EIF4EBP2: variants seen among roughly 807,000 people sequenced by gnomAD.
EIF4EBP2 encodes the protein eukaryotic translation initiation factor 4E binding protein 2.
A neutral mutation model predicts 10.3 loss-of-function variants in EIF4EBP2; 5 were observed. The observed-to-expected ratio is 0.48, with a 90% confidence interval of 0.25 to 1.02. The LOEUF (loss-of-function observed/expected upper bound fraction) is 1.02. EIF4EBP2 is among the 50% of genes least tolerant of loss of function. The pLI is 0.15. For synonymous variants in EIF4EBP2, 67 were observed against 61.1 expected (o/e 1.10, Z -0.45); for missense variants, 188 against 162.2 (o/e 1.16, Z -0.86).
intron 1 of EIF4EBP2, among the ~76,000 whole-genome samples, chr10:70,414,492 A>G (rs1845073151): frequency 6.6e-6 from 1 of 152,300 alleles, no homozygotes; most frequent in East Asian, 1.9e-4. Context: ...AAAATCAAAC[A>G]TATCTTAGGA....
At position 70,418,054 on chromosome 10, in the gene EIF4EBP2, C is replaced by G. The variant is rs374217605; in HGVS notation, c.146-1860C>G. ...CTCCCCAAAATTCTTATGTTGAAAC[C>G]TTAATTCCCAACATGATAGTATTAG... On this transcript the variant is annotated intron_variant, in intron 1 of 2. Coordinates refer to ENST00000373218, the MANE Select transcript of EIF4EBP2 (RefSeq NM_004096.5). Among the ~76,000 whole-genome samples, 5 of 152,264 alleles carry G rather than the reference C, an allele frequency of 3.3e-5. No homozygotes were observed. In the South Asian group the frequency reaches 1.0e-3, roughly 32 times the overall value.
At chr10:70,417,177 G>A (rs7921439) in intron 1 of EIF4EBP2, among the ~76,000 whole-genome samples, 148,100 of 152,344 alleles carry the variant, frequency 0.97, 72,138 homozygotes, top group East Asian at 1. Flanking sequence ...AAAGAAATGA[G>A]GTACTGATAA....
intron 1 of EIF4EBP2, among the ~76,000 whole-genome samples, chr10:70,416,759 G>C (rs960780451): frequency 8.6e-5 from 13 of 151,302 alleles, no homozygotes; most frequent in African/African-American, 3.2e-4. Context: ...CCATCTCCTG[G>C]GCTTAAGTGA....
chr10:70,406,118 C>T (rs1261136600), intron 1 of EIF4EBP2, among the ~76,000 whole-genome samples: 1 of 152,044 alleles, frequency 6.6e-6, no homozygotes, highest in South Asian at 2.1e-4. Context: ...AGTAGCTGGA[C>T]CACAGGCACG....
At chr10:70,420,313 C>A (rs1270334470) in intron 2 of EIF4EBP2, among the ~76,000 whole-genome samples, 2 of 152,190 alleles carry the variant, frequency 1.3e-5, no homozygotes, top group African/African-American at 4.8e-5. Context: ...GTTTCTCCTG[C>A]CTCAGCCTCC....
chr10:70,418,206 G>A (rs1008164961), intron 1 of EIF4EBP2, among the ~76,000 whole-genome samples: 1 of 152,166 alleles, frequency 6.6e-6, no homozygotes, highest in Non-Finnish European at 1.5e-5. Context: ...CCATGTAAGG[G>A]ACACAAAGAG....
At chr10:70,412,197 C>T (rs1845052953) in intron 1 of EIF4EBP2, among the ~76,000 whole-genome samples, 1 of 152,114 alleles carries the variant, frequency 6.6e-6, no homozygotes, top group African/African-American at 2.4e-5. Context: ...AGGAGGAAAG[C>T]CCTGTTTGAC....
intron 2 of EIF4EBP2, among the ~76,000 whole-genome samples, chr10:70,420,314 C>T (rs1294896850): frequency 6.6e-6 from 1 of 152,200 alleles, no homozygotes; most frequent in Non-Finnish European, 1.5e-5. Flanking sequence ...TTTCTCCTGC[C>T]TCAGCCTCCC....
Position 70,422,511 on chromosome 10 carries a change from C to T in EIF4EBP2, c.*764C>T, listed in dbSNP as rs933988159. ...ACATCAGAAGAGAGCCCTTGGTAAC[C>T]AGTTTTGCTCTTCTTCTGCCACTCC... is the stretch of plus-strand genomic sequence containing the variant. On this transcript the variant is annotated 3_prime_UTR_variant, in exon 3 of 3. Coordinates refer to ENST00000373218, the MANE Select transcript of EIF4EBP2 (RefSeq NM_004096.5). The T allele has an allele frequency of 6.6e-6, 1 of 152,048 alleles. No homozygotes were observed. Among genetic ancestry groups the T allele is most frequent in the Non-Finnish European group, 1.5e-5 (1 of 68,028 alleles). The allele number at this position is 152,048 out of a possible 1,614,324, so 9.4% of individuals were successfully genotyped here.
intron 1 of EIF4EBP2, among the ~76,000 whole-genome samples, chr10:70,417,140 A>G (rs1217646716): frequency 6.6e-6 from 1 of 152,230 alleles, no homozygotes; most frequent in Non-Finnish European, 1.5e-5. Context: ...TGCGATATAT[A>G]CATACAATGA....
intron 1 of EIF4EBP2, among the ~76,000 whole-genome samples, chr10:70,418,559 T>G (rs1286146261): frequency 6.6e-6 from 1 of 152,170 alleles, no homozygotes; most frequent in Non-Finnish European, 1.5e-5. Flanking sequence ...ATAAACAATT[T>G]TCATAATACT....
At chr10:70,411,932 T>C (rs773303827) in intron 1 of EIF4EBP2, among the ~76,000 whole-genome samples, 1 of 152,242 alleles carries the variant, frequency 6.6e-6, no homozygotes, top group Non-Finnish European at 1.5e-5. Context: ...TTGGTAAATA[T>C]TGAATGCAGA....
At chr10:70,406,924 G>A (rs185562401) in intron 1 of EIF4EBP2, among the ~76,000 whole-genome samples, 1 of 152,158 alleles carries the variant, frequency 6.6e-6, no homozygotes, top group Non-Finnish European at 1.5e-5. Context: ...TGGAGACGGA[G>A]TTTCGCTCTG....
chr10:70,415,173 GAAAAGA>G lies in EIF4EBP2; in HGVS notation c.146-4732_146-4727del, dbSNP rs1845081441. The stretch of plus-strand genomic sequence containing the variant: ...ACCCTCTCTCGAAAAAAAAAAAAAA[GAAAAGA>G]AAAAGAAAGCAATCCCATTTACAAT... On this transcript the variant is annotated intron_variant, in intron 1 of 2. Coordinates refer to ENST00000373218, the MANE Select transcript of EIF4EBP2 (RefSeq NM_004096.5). 5.5e-5 allele frequency among the ~76,000 whole-genome samples: 8 copies of G among 145,108 alleles called. No homozygotes were observed. In the South Asian group the frequency reaches 1.8e-3, roughly 32 times the overall value.
chr10:70,418,041 C>CT (rs1845115113), intron 1 of EIF4EBP2, among the ~76,000 whole-genome samples: 1 of 152,200 alleles, frequency 6.6e-6, no homozygotes, highest in Admixed American at 6.5e-5. Context: ...CCCCAAAATT[C>CT]TTATGTTGAA....
intron 1 of EIF4EBP2, among the ~76,000 whole-genome samples, chr10:70,418,869 G>T (rs545188445): frequency 6.6e-6 from 1 of 152,334 alleles, no homozygotes; most frequent in South Asian, 2.1e-4. Context: ...AGGCTGGAGT[G>T]CAGTGGTGCA....
intron 1 of EIF4EBP2, among the ~76,000 whole-genome samples, chr10:70,414,140 A>G (rs563038637): frequency 6.6e-6 from 1 of 152,358 alleles, no homozygotes; most frequent in South Asian, 2.1e-4. Flanking sequence ...TATAGTAAAC[A>G]TAATATTCAA....
rs1317425487 is a variant in EIF4EBP2, at chr10:70,404,198, C to T, written c.-204C>T. 6.6e-6 allele frequency among the ~76,000 whole-genome samples: 1 copy of T among 152,218 alleles called. No individual in the cohort carries two copies. The highest frequency in any genetic ancestry group is 1.9e-4 in the East Asian group (1 of 5,194). Reference sequence around the variant, plus strand: ...GCCGCTGCTGTTGCTCCTGAGGCTGCTGGCTGAGGCCGGAGGATCGAGCGG... The same window carrying T: ...GCCGCTGCTGTTGCTCCTGAGGCTGTTGGCTGAGGCCGGAGGATCGAGCGG... On this transcript the variant is annotated 5_prime_UTR_variant, in exon 1 of 3. Transcript: ENST00000373218.
intron 1 of EIF4EBP2, among the ~76,000 whole-genome samples, chr10:70,406,253 G>A (rs557234201): frequency 6.6e-6 from 1 of 152,214 alleles, no homozygotes; most frequent in Non-Finnish European, 1.5e-5. Context: ...GATTACAGGC[G>A]TGAGCCACTG....
Sources: gnomAD v4.1 joint callset for allele counts (sites outside exome capture counted in the v4.1 genomes callset) on GRCh38, gnomAD v4.1.1 for gene constraint, MANE v1.5 for transcripts, NCBI Gene and HGNC (gene_info 2026-07-23, HGNC 2026-07-21) for gene names.